Variants in MYBPC3 observed in about 807,000 individuals in gnomAD.
The protein encoded by MYBPC3 is myosin-binding protein C, cardiac-type.
In MYBPC3, 108 loss-of-function variants were observed where a neutral mutation model predicts 159.3. That is an observed-to-expected ratio of 0.68 (90% CI 0.58 to 0.80). MYBPC3 has a LOEUF of 0.80. MYBPC3 is among the 30% of genes least tolerant of loss of function. MYBPC3 has a pLI of 0.00. For missense variants in MYBPC3, 1,631 were observed against 1,762.1 expected (o/e 0.93, Z 1.33); for synonymous variants, 730 against 702.0 (o/e 1.04, Z -0.63).
intron 19 of MYBPC3, 28 bp from the exon 20 acceptor site, chr11:47,341,060 CG>C (rs1289049075): frequency 1.3e-6 from 2 of 1,574,726 alleles, no homozygotes; most frequent in Non-Finnish European, 1.7e-6. Flanking sequence ...GCAAGTAGCA[CG>C]GGGGCAAAGG....
rs397515947 is a variant in MYBPC3 at position 47,339,375 on chromosome 11, TG to T, written c.2096del (p.Pro699GlnfsTer55). The T allele has an allele frequency of 5.6e-6, 9 of 1,614,028 alleles. No individual in the cohort carries two copies. The highest frequency in any genetic ancestry group is 6.8e-6 in the Non-Finnish European group (8 of 1,179,884). ...TGTCACCTGTGTCCTCTGGGGCATC[TG>T]GGGCTGGCCTGGCTGGGGCCTTATT... ...QGNKAPARPA[P>X]DAPEDTGDSD... On this transcript the variant is annotated frameshift_variant, in exon 22 of 35. Coordinates refer to ENST00000545968, the MANE Select transcript of MYBPC3 (RefSeq NM_000256.3). LOFTEE classifies it high-confidence loss of function.
Position 47,332,543 on chromosome 11 carries a change from G to A in MYBPC3, c.3627+23C>T, listed in dbSNP as rs770351648. ...TGAGCCCTGCCTCCTGGTCGGCCTG[G>A]ACCAGCGCCTAAAGTTCCCTACCTT... On this transcript the variant is annotated intron_variant, in intron 32 of 34. Transcript: ENST00000545968. This position sits in a 1 kb window ranked among gnomAD's most constrained non-coding sequence, Gnocchi z 4.2. 1 of 1,599,028 alleles carries A rather than the reference G, an allele frequency of 6.3e-7. No homozygotes were observed. The highest frequency in any genetic ancestry group is 8.5e-7 in the Non-Finnish European group (1 of 1,169,676).
Position 47,339,655 on chromosome 11 carries a change from G to A in MYBPC3, c.2063C>T (p.Thr688Met), listed in dbSNP as rs3729946. The change falls in exon 21 of 35, where the codon ACG becomes ATG. Residue 688 changes from threonine to methionine, a missense_variant. Thr to Met is a moderately conservative substitution (Grantham distance 81). Transcript: ENST00000545968. The stretch of plus-strand genomic sequence containing the variant: ...CTGAGGAGGGACCCACAGTACCTGC[G>A]TGATAGCCTTCTGCCAGATCACAGT... ...APTVIWQKAI[T>M]QGNKAPARPA... 39 of 1,596,648 alleles carry A rather than the reference G, an allele frequency of 2.4e-5. No individual in the cohort carries two copies. Among genetic ancestry groups the A allele is most frequent in the African/African-American group, 9.4e-5 (7 of 74,622 alleles).
Position 47,342,110 on chromosome 11 carries a change from G to A in MYBPC3, c.1671C>T (p.Gly557=), listed in dbSNP as rs751052593. The A allele has an allele frequency of 2.9e-5, 47 of 1,613,810 alleles. No individual in the cohort carries two copies. The highest frequency in any genetic ancestry group is 1.6e-4 in the Middle Eastern group (1 of 6,084). ...ATTTGAACACCGCCTGGTCCTTTGC[G>A]CCCACCATCAGGTCTGCGATGCTCT... is the stretch of plus-strand genomic sequence containing the variant. ...VYQSIADLMV[G]AKDQAVFKCE... Residue 557 remains glycine, a synonymous_variant, in exon 18 of 35, where the codon GGC becomes GGT. Coordinates refer to ENST00000545968, the MANE Select transcript of MYBPC3 (RefSeq NM_000256.3).
chr11:47,333,666 G>GT lies in MYBPC3; in HGVS notation c.3080dup (p.Asp1027GlufsTer24). The stretch of plus-strand genomic sequence containing the variant: ...GAGCGGCCCGGATGAACAGGATGGT[G>GT]TCTGTGGGGCTGTTGCGGATGCTCA... On this transcript the variant is annotated frameshift_variant, in exon 29 of 35. Transcript: ENST00000545968. LOFTEE classifies it high-confidence loss of function. 6.2e-7 allele frequency: 1 copy of GT among 1,611,214 alleles called. No homozygotes were observed. The highest frequency in any genetic ancestry group is 8.5e-7 in the Non-Finnish European group (1 of 1,179,824).
Position 47,347,913 on chromosome 11 carries a change from CA to C in MYBPC3, c.773-9del. The C allele has an allele frequency of 6.4e-7, 1 of 1,572,396 alleles. No individual in the cohort carries two copies. Among genetic ancestry groups the C allele is most frequent in the Non-Finnish European group, 8.6e-7 (1 of 1,159,370 alleles). On this transcript the variant is annotated splice_polypyrimidine_tract_variant and intron_variant, in intron 6 of 34. Transcript: ENST00000545968. ...CTCCGGTGCCCATGGCCTCTGGGTTCAAAGGGTGGAGAGATGGGGGAAGGGG... is the reference window on the plus strand; with the variant it reads ...CTCCGGTGCCCATGGCCTCTGGGTTCAAGGGTGGAGAGATGGGGGAAGGGG...
intron 7 of MYBPC3, 35 bp from the exon 8 acceptor site, chr11:47,347,715 G>C (rs2095895777): frequency 6.4e-7 from 1 of 1,559,208 alleles, no homozygotes. Context: ...TCACCTGCCT[G>C]GGAAGCTTGC....
intron 26 of MYBPC3, 83 bp downstream of exon 26, chr11:47,335,794 A>C (rs1357194182): frequency 1.0e-5 from 13 of 1,261,136 alleles, no homozygotes; most frequent in Non-Finnish European, 1.2e-5. Context: ...GGCCTAAAAA[A>C]CTTGACTACA....
chr11:47,343,934 A>G (rs1193540209), intron 12 of MYBPC3, among the ~76,000 whole-genome samples: 2 of 152,102 alleles, frequency 1.3e-5, no homozygotes, highest in Admixed American at 6.5e-5. Context: ...GATTACAGGC[A>G]TGTGCCACCA....
chr11:47,351,308 C>A lies in MYBPC3; in HGVS notation c.223G>T (p.Asp75Tyr), dbSNP rs375471260. 2 of 1,578,356 alleles carry A rather than the reference C, an allele frequency of 1.3e-6. No homozygotes were observed. Among genetic ancestry groups the A allele is most frequent in the South Asian group, 2.3e-5 (2 of 86,460 alleles). ...TLTVREVGPA[D>Y]QGSYAVIAGS... ...GCAATGACTGCGTAAGATCCCTGGT[C>A]GGCAGGGCCCACTTCCCGCACTGTC... Residue 75 changes from aspartate to tyrosine, a missense_variant, in exon 2 of 35, where the codon GAC (aspartate) becomes TAC (tyrosine). By Grantham distance (160) the Asp-to-Tyr change is radical. Transcript: ENST00000545968. This position sits in a 1 kb window ranked among gnomAD's most constrained non-coding sequence, Gnocchi z 4.2.
In MYBPC3 at chr11:47,340,990, C is replaced by T; in HGVS notation, c.1927+13G>A. On this transcript the variant is annotated intron_variant, in intron 20 of 34. Transcript: ENST00000545968. ...AGTGAGCAGAACCAAGACTCAGGGGCCCCAAGACTTACCCTGCCTGGGTAC... is the reference window on the plus strand; with the variant it reads ...AGTGAGCAGAACCAAGACTCAGGGGTCCCAAGACTTACCCTGCCTGGGTAC... The T allele has an allele frequency of 3.2e-6, 5 of 1,557,018 alleles. No homozygotes were observed. Among genetic ancestry groups the T allele is most frequent in the Non-Finnish European group, 4.3e-6 (5 of 1,152,474 alleles).
Position 47,342,604 on chromosome 11 carries a change from T to A in MYBPC3, c.1598A>T (p.Gln533Leu). Reference sequence around the variant, plus strand: ...CTGCACAATGAGCTCAGCCAGCGCCTGGCCCCCGCTAGTGCACAGTGCATA... The same window carrying A: ...CTGCACAATGAGCTCAGCCAGCGCCAGGCCCCCGCTAGTGCACAGTGCATA... ...GHYALCTSGGQALAELIVQEK... is the reference protein window; with the variant it reads ...GHYALCTSGGLALAELIVQEK... Residue 533 changes from glutamine to leucine, a missense_variant, in exon 17 of 35, where the codon CAG (glutamine) becomes CTG (leucine). Physicochemically the swap from Gln to Leu is moderately radical, Grantham distance 113. Transcript: ENST00000545968. 6.2e-7 allele frequency: 1 copy of A among 1,610,840 alleles called. No homozygotes were observed. Among genetic ancestry groups the A allele is most frequent in the Non-Finnish European group, 8.5e-7 (1 of 1,177,986 alleles).
Position 47,342,750 on chromosome 11 carries a change from C to T in MYBPC3, c.1458-6G>A, listed in dbSNP as rs375347534. 2.2e-5 allele frequency: 36 copies of T among 1,613,604 alleles called. No individual in the cohort carries two copies. The highest frequency in any genetic ancestry group is 2.7e-5 in the African/African-American group (2 of 74,928). ...GCTCCACCCCGTCCTTCAGCCTAGC[C>T]GGGTGGGTGGGTGGCAAGTGCTGTG... On this transcript the variant is annotated splice_polypyrimidine_tract_variant and splice_region_variant and intron_variant, in intron 16 of 34. Coordinates refer to ENST00000545968, the MANE Select transcript of MYBPC3 (RefSeq NM_000256.3).
Position 47,337,536 on chromosome 11 carries a change from C to T in MYBPC3, c.2457G>A (p.Met819Ile). 1 of 1,614,048 alleles carries T rather than the reference C, an allele frequency of 6.2e-7. No homozygotes were observed. The highest frequency in any genetic ancestry group is 8.5e-7 in the Non-Finnish European group (1 of 1,179,898). ...CCTGAATCAGGTCGAAGTTCAGCCGCATCCACCGGTAGCTCTTCTTCTTCT... is the reference window on the plus strand; with the variant it reads ...CCTGAATCAGGTCGAAGTTCAGCCGTATCCACCGGTAGCTCTTCTTCTTCT... Reference protein sequence around the residue: ...ERKKKKSYRWMRLNFDLIQEL... With the variant: ...ERKKKKSYRWIRLNFDLIQEL... The change falls in exon 25 of 35, where the codon ATG becomes ATA. Residue 819 changes from methionine to isoleucine, a missense_variant. Physicochemically the swap from Met to Ile is conservative, Grantham distance 10 (BLOSUM62 1). Coordinates refer to ENST00000545968, the MANE Select transcript of MYBPC3 (RefSeq NM_000256.3).
intron 20 of MYBPC3, 93 bp downstream of exon 20, chr11:47,340,910 C>T: frequency 7.3e-7 from 1 of 1,364,978 alleles, no homozygotes; most frequent in Non-Finnish European, 9.7e-7. Flanking sequence ...CACTTTTGAT[C>T]CTTGCTCTTC....
intron 18 of MYBPC3, 55 bp downstream of exon 18, chr11:47,341,936 T>C: frequency 6.5e-7 from 1 of 1,544,968 alleles, no homozygotes. Flanking sequence ...CCTGTGTCTC[T>C]CTCTGTCTCC....
chr11:47,343,184 G>A (rs1163740566), intron 14 of MYBPC3, 39 bp from the exon 15 acceptor site: 2 of 1,601,744 alleles, frequency 1.2e-6, no homozygotes, highest in South Asian at 1.1e-5. Flanking sequence ...GAAAGCTGCG[G>A]ACACCCCTCC....
intron 12 of MYBPC3, among the ~76,000 whole-genome samples, chr11:47,345,674 C>G (rs946050917): frequency 6.6e-6 from 1 of 152,174 alleles, no homozygotes; most frequent in Admixed American, 6.5e-5. Context: ...CTCTTTCCAT[C>G]TGCCTGGGGG....
chr11:47,331,624 G>A lies in MYBPC3; in HGVS notation c.*119C>T, dbSNP rs764758393. 7.2e-6 allele frequency: 4 copies of A among 557,030 alleles called. No homozygotes were observed. Among genetic ancestry groups the A allele is most frequent in the Non-Finnish European group, 1.3e-5 (4 of 312,714 alleles). The allele number at this position is 557,030 out of a possible 1,614,324, so 34.5% of individuals were successfully genotyped here. On this transcript the variant is annotated 3_prime_UTR_variant, in exon 35 of 35. Transcript: ENST00000545968. Reference sequence around the variant, plus strand: ...CTGCTGATCCCCCATCGCAGCACAGGAGACACACTTGTCACACATACATCC... The same window carrying A: ...CTGCTGATCCCCCATCGCAGCACAGAAGACACACTTGTCACACATACATCC...
Sources: allele counts gnomAD v4.1 joint callset (sites outside exome capture counted in the v4.1 genomes callset), GRCh38; gene constraint gnomAD v4.1.1; non-coding constraint Gnocchi (gnomAD v3.1); transcripts MANE v1.5; gene names NCBI Gene and HGNC (gene_info 2026-07-23, HGNC 2026-07-21).